CDH13: variants seen among roughly 807,000 people sequenced by gnomAD.
CDH13 encodes the protein cadherin-13.
A neutral mutation model predicts 63.8 loss-of-function variants in CDH13; 24 were observed. The observed-to-expected ratio is 0.38, with a 90% CI of 0.27 to 0.53. CDH13 has a LOEUF of 0.53. CDH13 is among the 20% of genes least tolerant of loss of function. The pLI is 0.85. For synonymous variants in CDH13, 503 were observed against 355.3 expected (o/e 1.42, Z -4.67); for missense variants, 1,049 against 903.1 (o/e 1.16, Z -2.07).
chr16:83,662,936 A>G (rs957439021), intron 8 of CDH13, among the ~76,000 whole-genome samples: 7 of 152,026 alleles, frequency 4.6e-5, no homozygotes, highest in African/African-American at 1.7e-4. Flanking sequence ...AGCACTTCCT[A>G]TTTGTCTTTT....
intron 2 of CDH13, among the ~76,000 whole-genome samples, chr16:83,000,025 G>GAAC (rs944491922): frequency 3.5e-4 from 53 of 152,028 alleles, no homozygotes; most frequent in African/African-American, 1.2e-3. Flanking sequence ...CATCCATGCA[G>GAAC]AACAACAACA....
At chr16:83,191,458 A>AATATATATATAT (rs57044100) in intron 4 of CDH13, among the ~76,000 whole-genome samples, 9 of 80,576 alleles carry the variant, frequency 1.1e-4, no homozygotes, top group Admixed American at 2.9e-4. Context: ...ACTAATAGGA[A>AATATATATATAT]ATATATATAT....
chr16:83,531,928 C>T (rs1337709926), intron 7 of CDH13, among the ~76,000 whole-genome samples: 1 of 152,094 alleles, frequency 6.6e-6, no homozygotes, highest in Non-Finnish European at 1.5e-5. Context: ...GCTGTGTCCC[C>T]ACTCAAATCT....
chr16:82,863,638 G>T (rs2040022479), intron 2 of CDH13, among the ~76,000 whole-genome samples: 1 of 152,086 alleles, frequency 6.6e-6, no homozygotes, highest in Non-Finnish European at 1.5e-5. Flanking sequence ...ACAAATAAAT[G>T]GAAGCTGCTA....
chr16:83,592,742 C>G (rs75458455), intron 7 of CDH13, among the ~76,000 whole-genome samples: 6 of 152,164 alleles, frequency 3.9e-5, no homozygotes, highest in Non-Finnish European at 8.8e-5. Flanking sequence ...GCTGCCTTCT[C>G]CTTGCCCACC....
intron 1 of CDH13, among the ~76,000 whole-genome samples, chr16:82,745,460 C>G (rs764580734): frequency 2.6e-5 from 4 of 151,954 alleles, no homozygotes; most frequent in Non-Finnish European, 4.4e-5. Context: ...AAAAATTAGC[C>G]GGGCATGGTG....
chr16:83,015,964 C>T (rs1914753674), intron 2 of CDH13, among the ~76,000 whole-genome samples: 1 of 151,906 alleles, frequency 6.6e-6, no homozygotes, highest in Admixed American at 6.6e-5. Flanking sequence ...CCTTCTGCTG[C>T]ATTGGCTTTT....
At chr16:83,266,261 G>C (rs1253192792) in intron 5 of CDH13, among the ~76,000 whole-genome samples, 1 of 152,070 alleles carries the variant, frequency 6.6e-6, no homozygotes, top group East Asian at 1.9e-4. Flanking sequence ...CTTACCATTT[G>C]TGCAGGAAAT....
intron 6 of CDH13, among the ~76,000 whole-genome samples, chr16:83,424,537 C>G (rs1057247876): frequency 6.6e-6 from 1 of 152,068 alleles, no homozygotes; most frequent in East Asian, 1.9e-4. Flanking sequence ...AGAGGTAATT[C>G]TGGATGGAAT....
chr16:82,686,121 C>T (rs1229374940), intron 1 of CDH13, among the ~76,000 whole-genome samples: 1 of 152,194 alleles, frequency 6.6e-6, no homozygotes, highest in Non-Finnish European at 1.5e-5. Context: ...GGTAATGCAT[C>T]CTCATCTTAA....
intron 1 of CDH13, among the ~76,000 whole-genome samples, chr16:82,711,075 C>T (rs1207987274): frequency 2.0e-5 from 3 of 151,754 alleles, no homozygotes; most frequent in African/African-American, 4.8e-5. Context: ...TTGCCCGGAC[C>T]GCATTATGTC....
At chr16:83,128,746 G>A in intron 4 of CDH13, among the ~76,000 whole-genome samples, 1 of 152,172 alleles carries the variant, frequency 6.6e-6, no homozygotes. Context: ...AGCTAATTGG[G>A]AACATTCTTC....
intron 2 of CDH13, among the ~76,000 whole-genome samples, chr16:82,928,200 A>C (rs1321286926): frequency 6.6e-6 from 1 of 151,146 alleles, no homozygotes; most frequent in Non-Finnish European, 1.5e-5. Context: ...ATGCGTGTGT[A>C]ATCCACATAA....
At chr16:83,679,463 CACTTT>C (rs1915227122) in intron 10 of CDH13, among the ~76,000 whole-genome samples, 1 of 152,194 alleles carries the variant, frequency 6.6e-6, no homozygotes, top group Admixed American at 6.5e-5. Flanking sequence ...CTGAGTCAAC[CACTTT>C]ACTTTAGAGC....
chr16:82,817,175 C>A (rs1029859495), intron 1 of CDH13, among the ~76,000 whole-genome samples: 1 of 152,082 alleles, frequency 6.6e-6, no homozygotes, highest in Non-Finnish European at 1.5e-5. Flanking sequence ...TCTTCGCCCC[C>A]CACTGCAGGT....
chr16:82,846,140 T>C (rs545406407), intron 1 of CDH13, among the ~76,000 whole-genome samples: 11 of 152,326 alleles, frequency 7.2e-5, no homozygotes, highest in Admixed American at 7.2e-4. Flanking sequence ...TGGCATGCTA[T>C]GGTGTTTGCA....
At chr16:83,129,258 C>T (rs1484129587) in intron 4 of CDH13, among the ~76,000 whole-genome samples, 2 of 152,122 alleles carry the variant, frequency 1.3e-5, no homozygotes, top group Non-Finnish European at 2.9e-5. Flanking sequence ...AGTCAGGACA[C>T]CTCTAATTTT....
At chr16:83,771,248 G>C (rs1189332931) in intron 11 of CDH13, among the ~76,000 whole-genome samples, 1 of 152,104 alleles carries the variant, frequency 6.6e-6, no homozygotes. Context: ...ATCACAAAAG[G>C]CTAAGTGTAA....
intron 1 of CDH13, among the ~76,000 whole-genome samples, chr16:82,722,304 T>C (rs764752606): frequency 1.3e-4 from 20 of 152,196 alleles, no homozygotes; most frequent in Admixed American, 2.6e-4. Context: ...TCTCCATCTC[T>C]TGGCTCTACT....
Sources: allele counts gnomAD v4.1 joint callset (sites outside exome capture counted in the v4.1 genomes callset), GRCh38; gene constraint gnomAD v4.1.1; transcripts MANE v1.5; gene names NCBI Gene and HGNC (gene_info 2026-07-23, HGNC 2026-07-21).